Variants in TENM2 observed in about 807,000 individuals in gnomAD.
The protein encoded by TENM2 is teneurin transmembrane protein 2.
TENM2 carries 52 observed loss-of-function variants against 245.2 expected under a neutral mutation model. The ratio of observed to expected loss-of-function variants is 0.21; its 90% CI spans 0.17 to 0.27. TENM2 has a LOEUF of 0.27. TENM2 is among the 10% of genes least tolerant of loss of function. TENM2 has a pLI of 1.00. For missense variants in TENM2, 3,046 were observed against 3,666.8 expected (o/e 0.83, Z 4.37); for synonymous variants, 1,363 against 1,438.9 (o/e 0.95, Z 1.19).
chr5:167,900,031 G>T (rs1200358076), intron 3 of TENM2, among the ~76,000 whole-genome samples: 1 of 136,688 alleles, frequency 7.3e-6, no homozygotes, highest in Non-Finnish European at 1.5e-5. Flanking sequence ...ATGATGCCAG[G>T]AAAAATTCAT....
exon 12 of TENM2, chr5:168,126,846 C>T: frequency 1.2e-6 from 2 of 1,610,968 alleles, no homozygotes; most frequent in East Asian, 2.2e-5. Flanking sequence ...GTGTGACCAG[C>T]GCGTGTGCCA....
intron 7 of TENM2, among the ~76,000 whole-genome samples, chr5:168,075,882 T>A (rs1015159235): frequency 3.3e-5 from 5 of 152,048 alleles, no homozygotes; most frequent in Non-Finnish European, 7.4e-5. Flanking sequence ...CAAGGGAACT[T>A]CCCTTTATAA....
chr5:167,574,268 A>T (rs1040425873), intron 2 of TENM2, among the ~76,000 whole-genome samples: 2 of 152,312 alleles, frequency 1.3e-5, no homozygotes. Flanking sequence ...ATTTAAGGAG[A>T]GAGATGAGAA....
chr5:167,937,926 A>G (rs1448206245), intron 3 of TENM2: 1 of 152,226 alleles, frequency 6.6e-6, no homozygotes, highest in Non-Finnish European at 1.5e-5. Context: ...ATGCATGCAA[A>G]GAGCACCCTG....
intron 2 of TENM2, among the ~76,000 whole-genome samples, chr5:167,622,907 T>C (rs549080691): frequency 3.3e-5 from 5 of 152,236 alleles, no homozygotes; most frequent in East Asian, 3.9e-4. Context: ...CAAAGCTGCA[T>C]TGTGTTATTA....
chr5:168,194,661 G>A (rs1761233635), intron 14 of TENM2, among the ~76,000 whole-genome samples: 1 of 152,054 alleles, frequency 6.6e-6, no homozygotes, highest in Admixed American at 6.6e-5. Flanking sequence ...TGGATTATGA[G>A]AAATTTTGCT....
At chr5:168,035,788 G>A (rs1204585369) in intron 5 of TENM2, among the ~76,000 whole-genome samples, 1 of 152,120 alleles carries the variant, frequency 6.6e-6, no homozygotes, top group Non-Finnish European at 1.5e-5. Context: ...GCCAGATTTA[G>A]CAAACTTATA....
At chr5:167,769,807 AT>A (rs1561760770) in intron 2 of TENM2, among the ~76,000 whole-genome samples, 1 of 152,140 alleles carries the variant, frequency 6.6e-6, no homozygotes, top group Admixed American at 6.6e-5. Context: ...GAATACAAGG[AT>A]TGTGTCCATT....
chr5:167,431,962 T>TATACATATATAC (rs1561950445), intron 2 of TENM2, among the ~76,000 whole-genome samples: 17 of 124,120 alleles, frequency 1.4e-4, no homozygotes, highest in African/African-American at 6.4e-4. Flanking sequence ...TATATATATG[T>TATACATATATAC]ATATATATAT....
chr5:167,252,738 T>C, the TENM2 span, among the ~76,000 whole-genome samples: 1 of 152,110 alleles, frequency 6.6e-6, no homozygotes, highest in South Asian at 2.1e-4. Flanking sequence ...TGGTCTCTGC[T>C]ATATTGGCTC....
chr5:167,842,869 G>A (rs138679136), intron 2 of TENM2, among the ~76,000 whole-genome samples: 12 of 152,276 alleles, frequency 7.9e-5, no homozygotes, highest in African/African-American at 1.9e-4. Context: ...ACACTTAGCC[G>A]TGCTGGGCTA....
At chr5:167,322,122 G>A (rs376172866) in intron 1 of TENM2, among the ~76,000 whole-genome samples, 19 of 151,876 alleles carry the variant, frequency 1.3e-4, no homozygotes, top group African/African-American at 3.1e-4. Context: ...TTGAGCCACC[G>A]CACCCGGCTG....
the TENM2 span, among the ~76,000 whole-genome samples, chr5:167,276,392 G>C: frequency 6.8e-6 from 1 of 146,290 alleles, no homozygotes; most frequent in Non-Finnish European, 1.5e-5. Context: ...GTGTGTGTGT[G>C]TGTGTATCTG....
rs117571239 is a variant in TENM2, at chr5:167,632,638, A to C, written c.503-243348A>C. Reference sequence around the variant, plus strand: ...TGGACTTCATTTGGAGCACACCAGTATAGGTGACTGGTATACACACTAGGA... The same window carrying C: ...TGGACTTCATTTGGAGCACACCAGTCTAGGTGACTGGTATACACACTAGGA... On this transcript the variant is annotated intron_variant, in intron 2 of 28. Transcript: ENST00000518659. 2.8e-3 allele frequency among the ~76,000 whole-genome samples: 430 copies of C among 152,292 alleles called. 12 individuals are homozygous for C. The East Asian group carries it at 0.051, about 18-fold the overall frequency.
At chr5:167,992,659 C>G (rs1213587458) in intron 4 of TENM2, among the ~76,000 whole-genome samples, 1 of 152,174 alleles carries the variant, frequency 6.6e-6, no homozygotes, top group Non-Finnish European at 1.5e-5. Context: ...CTCATCATCT[C>G]TGAGGAGGTG....
At chr5:167,107,729 A>G in the TENM2 span, among the ~76,000 whole-genome samples, 1 of 152,230 alleles carries the variant, frequency 6.6e-6, no homozygotes, top group Non-Finnish European at 1.5e-5. Context: ...TATCACTTAC[A>G]TATTCCAGTG....
At chr5:167,189,834 A>G in the TENM2 span, among the ~76,000 whole-genome samples, 1 of 152,114 alleles carries the variant, frequency 6.6e-6, no homozygotes, top group Non-Finnish European at 1.5e-5. Context: ...TTTCACTGTT[A>G]AAAATAATAC....
chr5:167,375,305 G>A lies in TENM2; in HGVS notation c.334G>A (p.Gly112Arg), dbSNP rs1210280796. The A allele has an allele frequency of 2.6e-6, 4 of 1,551,708 alleles. No individual in the cohort carries two copies. In the Admixed American group the frequency reaches 5.9e-5, roughly 23 times the overall value. Residue 112 changes from glycine to arginine, a missense_variant, in exon 2 of 29, where the codon GGG becomes AGG. By Grantham distance (125) the Gly-to-Arg change is moderately radical. Around this residue, in one of 2 missense-constraint regions of TENM2, gnomAD observed 342 missense variants for 335.0 expected, o/e 1.02. Coordinates refer to ENST00000518659, the Ensembl canonical transcript of TENM2. ...TCACCAGGGCTACTCCCTTAGCACA[G>A]GGTCTGACGCCGACTCCGACACCGA... is the stretch of plus-strand genomic sequence containing the variant.
chr5:168,046,510 C>T (rs1788620309), intron 5 of TENM2, among the ~76,000 whole-genome samples: 1 of 152,158 alleles, frequency 6.6e-6, no homozygotes, highest in South Asian at 2.1e-4. Context: ...AGAAAAAACT[C>T]ACCAAGAACC....
Sources: allele counts gnomAD v4.1 joint callset (sites outside exome capture counted in the v4.1 genomes callset), GRCh38; gene constraint gnomAD v4.1.1; regional missense constraint gnomAD v4.1.1; transcripts MANE v1.5; gene names NCBI Gene and HGNC (gene_info 2026-07-23, HGNC 2026-07-21).